The following OSMR variants were observed in gnomAD, a reference collection of about 807,000 sequenced individuals.
OSMR encodes the protein oncostatin M receptor, also known as oncostatin-M-specific receptor subunit beta.
A neutral mutation model predicts 99.9 loss-of-function variants in OSMR; 81 were observed. The observed-to-expected ratio is 0.81, with a 90% CI of 0.68 to 0.97. The LOEUF (loss-of-function observed/expected upper bound fraction) is 0.97. Ranked by LOEUF, OSMR falls within the 50% of genes least tolerant of loss-of-function variation. The pLI, the probability that OSMR is intolerant of heterozygous loss-of-function variation, is 0.00. For synonymous variants in OSMR, 406 were observed against 410.4 expected, an observed-to-expected ratio of 0.99 and a Z score of 0.13; for missense variants, 1,099 against 1,153.4, an observed-to-expected ratio of 0.95 and a Z score of 0.68.
chr5:38,872,378 T>C (rs2112273218), intron 2 of OSMR, among the ~76,000 whole-genome samples: 1 of 152,350 alleles, frequency 6.6e-6, no homozygotes, highest in East Asian at 1.9e-4. Flanking sequence ...AATCGCTGAA[T>C]ACCATAACTG....
In OSMR at chr5:38,922,902, G is replaced by A. The variant is rs28463631; in HGVS notation, c.1766-248G>A. The A allele has an allele frequency of 0.18, 27,942 of 152,450 alleles. 2,767 individuals are homozygous for A. Among genetic ancestry groups the A allele is most frequent in the East Asian group, 0.38 (1,971 of 5,140 alleles). 9.4% of individuals were successfully genotyped at this position (152,450 alleles called of 1,614,324 possible). A position where few individuals can be genotyped will look rare whatever the true frequency, so the allele number is the denominator to read the frequency against. On this transcript the variant is annotated intron_variant, in intron 12 of 17. Transcript: ENST00000274276. ...GTGAGTCTCCTTCCTCAGCCTCCCC[G>A]GTAGCTGGGGTTACAGGTGCCCGCC...
intron 7 of OSMR, among the ~76,000 whole-genome samples, chr5:38,900,762 AT>A (rs34425555): frequency 0.27 from 41,339 of 151,938 alleles, 6,149 homozygotes; most frequent in East Asian, 0.48. Context: ...TTGTAGAAGT[AT>A]TTTTTTTGTG....
chr5:38,894,980 C>CAAA (rs35347417), intron 7 of OSMR, among the ~76,000 whole-genome samples: 11 of 143,936 alleles, frequency 7.6e-5, no homozygotes, highest in African/African-American at 2.8e-4. Context: ...TCAATAAAAG[C>CAAA]AAAAAAAAAA....
In OSMR at chr5:38,933,235, G is replaced by A. The variant is rs761884599; in HGVS notation, c.2731G>A (p.Gly911Arg). The change falls in exon 18 of 18, where the codon GGA (glycine) becomes AGA (arginine). Residue 911 changes from glycine to arginine, a missense_variant. Coordinates refer to ENST00000274276, the MANE Select transcript of OSMR (RefSeq NM_003999.3). ...YMNSLGEIPA[G>R]ETSLNYVSQL... ...GAACTCCCTGGGAGAAATCCCAGCT[G>A]GAGAAACAAGTTTGAATTATGTGTC... 13 of 1,613,980 alleles carry A rather than the reference G, an allele frequency of 8.1e-6. No homozygotes were observed. The highest frequency in any genetic ancestry group is 1.1e-5 in the Non-Finnish European group (13 of 1,180,016).
downstream of OSMR, chr5:38,939,687 T>C (rs1747326196): frequency 4.3e-6 from 1 of 230,690 alleles, no homozygotes; most frequent in Non-Finnish European, 8.6e-6. Context: ...CTCCCAATTA[T>C]TCAATAATTA....
downstream of OSMR, among the ~76,000 whole-genome samples, chr5:38,937,118 T>C (rs966164771): frequency 2.0e-5 from 3 of 152,214 alleles, no homozygotes; most frequent in Non-Finnish European, 4.4e-5. This position sits in a 1 kb window ranked among gnomAD's most constrained non-coding sequence, Gnocchi z 4.0. Context: ...CACTGCAAGC[T>C]CCGCCTCCCA....
Position 38,924,589 on chromosome 5 carries a change from C to A in OSMR, c.2038C>A (p.Leu680Ile). ...QCHPRFEKAV[L>I]SDGSECCKYK... ...CCACCCACGATTTGAAAAGGCAGTT[C>A]TTTCAGGTGACATCTATTTTTAATT... The change falls in exon 14 of 18, where the codon CTT (leucine) becomes ATT (isoleucine). Residue 680 changes from leucine to isoleucine, a missense_variant. Transcript: ENST00000274276. 1 of 1,606,566 alleles carries A rather than the reference C, an allele frequency of 6.2e-7. No individual in the cohort carries two copies. Among genetic ancestry groups the A allele is most frequent in the Non-Finnish European group, 8.5e-7 (1 of 1,173,096 alleles).
At chr5:38,889,867 C>T (rs1448344690) in intron 7 of OSMR, among the ~76,000 whole-genome samples, 2 of 151,524 alleles carry the variant, frequency 1.3e-5, no homozygotes, top group Non-Finnish European at 2.9e-5. Flanking sequence ...TTCTGTTGTT[C>T]CTTTTACTTT....
At chr5:38,924,726 G>A (rs984613224) in intron 14 of OSMR, 131 bp downstream of exon 14, 7 of 857,458 alleles carry the variant, frequency 8.2e-6, no homozygotes, top group Non-Finnish European at 1.2e-5. Context: ...ATACTGGAAA[G>A]GTGTTCTTAA....
chr5:38,857,907 A>T (rs192855140), intron 1 of OSMR, among the ~76,000 whole-genome samples: 1 of 152,178 alleles, frequency 6.6e-6, no homozygotes, highest in Admixed American at 6.5e-5. Context: ...ACCTCAGGTG[A>T]TCCTCCCACC....
chr5:38,870,477 A>G (rs1187275394), intron 2 of OSMR, among the ~76,000 whole-genome samples: 1 of 152,002 alleles, frequency 6.6e-6, no homozygotes, highest in Non-Finnish European at 1.5e-5. Flanking sequence ...GATTACAGGC[A>G]CACGCCACCA....
chr5:38,858,661 T>C (rs533795975), intron 1 of OSMR, among the ~76,000 whole-genome samples: 59 of 152,304 alleles, frequency 3.9e-4, no homozygotes, highest in African/African-American at 1.4e-3. Context: ...GGTAGTTCTA[T>C]TTTTAGTTTT....
In OSMR at chr5:38,893,952, A is replaced by AC. The variant is rs1250165488; in HGVS notation, c.991+7767dup. Among the ~76,000 whole-genome samples the AC allele has an allele frequency of 5.9e-5, 9 of 152,176 alleles. No homozygotes were observed. The East Asian group carries it at 1.7e-3, about 29-fold the overall frequency. ...AAAAGGTCAGATCACATACAAAGGG[A>AC]CCCCCATCAGGCTAACAGTGGACTT... On this transcript the variant is annotated intron_variant, in intron 7 of 17. Transcript: ENST00000274276.
chr5:38,894,380 AAATT>A (rs2112473179), intron 7 of OSMR, among the ~76,000 whole-genome samples: 1 of 152,130 alleles, frequency 6.6e-6, no homozygotes, highest in Admixed American at 6.5e-5. Flanking sequence ...ACAGTGAATT[AAATT>A]AATTATTGAA....
chr5:38,883,271 T>C (rs1210024388), intron 4 of OSMR, among the ~76,000 whole-genome samples: 2 of 152,190 alleles, frequency 1.3e-5, no homozygotes, highest in Admixed American at 1.3e-4. Context: ...AAAATGAATG[T>C]TTTAAAGACC....
chr5:38,920,073 C>T, intron 11 of OSMR, among the ~76,000 whole-genome samples: 1 of 152,220 alleles, frequency 6.6e-6, no homozygotes, highest in South Asian at 2.1e-4. Flanking sequence ...CATTCAGCCT[C>T]GGGGAGCTGG....
Position 38,932,851 on chromosome 5 carries a change from A to C in OSMR, c.2368-21A>C, listed in dbSNP as rs767491991. Reference sequence around the variant, plus strand: ...CACACACACAAATGTCTATATTTACATATTTTTGTTTCCTTTCTAGGAGAA... The same window carrying C: ...CACACACACAAATGTCTATATTTACCTATTTTTGTTTCCTTTCTAGGAGAA... On this transcript the variant is annotated intron_variant, in intron 17 of 17. Coordinates refer to ENST00000274276, the MANE Select transcript of OSMR (RefSeq NM_003999.3). 12 of 1,613,382 alleles carry C rather than the reference A, an allele frequency of 7.4e-6. No homozygotes were observed. The East Asian group carries it at 2.7e-4, about 36-fold the overall frequency.
At chr5:38,899,851 G>T (rs1315448668) in intron 7 of OSMR, among the ~76,000 whole-genome samples, 2 of 152,174 alleles carry the variant, frequency 1.3e-5, no homozygotes, top group Non-Finnish European at 2.9e-5. Context: ...TTCTTTTGGA[G>T]CCATGAGCTG....
At chr5:38,911,521 C>CA (rs1441486058) in intron 9 of OSMR, among the ~76,000 whole-genome samples, 1 of 152,058 alleles carries the variant, frequency 6.6e-6, no homozygotes. Flanking sequence ...GAAACTATTC[C>CA]AAAAAAACTG....
Sources: gnomAD v4.1 joint callset for allele counts (sites outside exome capture counted in the v4.1 genomes callset) on GRCh38, gnomAD v4.1.1 for gene constraint, Gnocchi (gnomAD v3.1) non-coding constraint, MANE v1.5 for transcripts, NCBI Gene and HGNC (gene_info 2026-07-23, HGNC 2026-07-21) for gene names.